The following BSDC1 variants were observed in gnomAD, a reference collection of about 807,000 sequenced individuals.
The protein encoded by BSDC1 is BSD domain containing 1.
A neutral mutation model predicts 56.0 loss-of-function variants in BSDC1; 29 were observed. The ratio of observed to expected loss-of-function variants is 0.52; its 90% CI spans 0.39 to 0.71. The LOEUF is 0.71. Among genes scored for constraint, BSDC1 ranks in the 30% least tolerant of loss-of-function variants. The pLI is 0.00. For synonymous variants in BSDC1, 210 were observed against 215.3 expected (o/e 0.98, Z 0.21); for missense variants, 477 against 548.5 (o/e 0.87, Z 1.30).
At chr1:32,388,090 C>G (rs1642733923) in intron 2 of BSDC1, among the ~76,000 whole-genome samples, 1 of 152,206 alleles carries the variant, frequency 6.6e-6, no homozygotes, top group African/African-American at 2.4e-5. Context: ...CTCACCAACT[C>G]TAGGATGCTT....
Position 32,376,256 on chromosome 1 carries a change from A to G in BSDC1, c.1156+6T>C. On this transcript the variant is annotated splice_donor_region_variant and intron_variant, in intron 9 of 10. Transcript: ENST00000455895. ...CAACCCTCTGGGCTTGGACCTCCAG[A>G]CCTACCTTTCTTTCCATTGTTGGAG... 6.7e-7 allele frequency: 1 copy of G among 1,489,468 alleles called. No homozygotes were observed. The highest frequency in any genetic ancestry group is 9.0e-7 in the Non-Finnish European group (1 of 1,110,166). 92.3% of individuals were successfully genotyped at this position (1,489,468 alleles called of 1,614,324 possible).
At chr1:32,390,318 G>T (rs912200244) in intron 2 of BSDC1, among the ~76,000 whole-genome samples, 2 of 152,220 alleles carry the variant, frequency 1.3e-5, no homozygotes, top group Non-Finnish European at 2.9e-5. Flanking sequence ...ATAGAAAAAT[G>T]TGAGTAAGGA....
At chr1:32,376,154 GA>G (rs1001875219) in intron 9 of BSDC1, 107 bp downstream of exon 9, 7 of 1,271,272 alleles carry the variant, frequency 5.5e-6, no homozygotes, top group South Asian at 2.8e-5. Context: ...TATCAGAAAC[GA>G]AAAAAAATCT....
intron 8 of BSDC1, 130 bp from the exon 9 acceptor site, chr1:32,376,871 C>T: frequency 9.2e-7 from 1 of 1,081,682 alleles, no homozygotes; most frequent in Non-Finnish European, 1.2e-6. Flanking sequence ...TGGCTCACAC[C>T]TGTAATCCCA....
At chr1:32,388,607 A>G (rs1302162343) in intron 2 of BSDC1, among the ~76,000 whole-genome samples, 2 of 152,166 alleles carry the variant, frequency 1.3e-5, no homozygotes, top group Non-Finnish European at 2.9e-5. Flanking sequence ...CTATCCTAAG[A>G]GCAAATTGAA....
chr1:32,391,674 G>A (rs1199630632), intron 2 of BSDC1, among the ~76,000 whole-genome samples: 2 of 152,200 alleles, frequency 1.3e-5, no homozygotes, highest in Admixed American at 1.3e-4. Context: ...AGGAGGTAAG[G>A]AGCAGAGGAA....
At chr1:32,380,363 G>A (rs1299615017) in intron 5 of BSDC1, among the ~76,000 whole-genome samples, 3 of 152,114 alleles carry the variant, frequency 2.0e-5, no homozygotes, top group Admixed American at 6.5e-5. Flanking sequence ...CCCCAACTCC[G>A]TCCAGGCACG....
intron 9 of BSDC1, among the ~76,000 whole-genome samples, chr1:32,375,010 G>A (rs926991467): frequency 1.3e-5 from 2 of 152,060 alleles, no homozygotes; most frequent in African/African-American, 4.8e-5. Flanking sequence ...AAATTAGCCG[G>A]GCATGATAGC....
chr1:32,385,943 G>GT (rs1642648666), intron 3 of BSDC1, among the ~76,000 whole-genome samples: 1 of 151,882 alleles, frequency 6.6e-6, no homozygotes, highest in South Asian at 2.1e-4. Flanking sequence ...AAAAACTGAA[G>GT]TAAGAAAGCA....
chr1:32,370,600 G>A (rs989719625), intron 9 of BSDC1, among the ~76,000 whole-genome samples: 3 of 151,648 alleles, frequency 2.0e-5, no homozygotes, highest in Admixed American at 2.0e-4. Context: ...TCAGAAGATC[G>A]AGACCACCCT....
intron 9 of BSDC1, among the ~76,000 whole-genome samples, chr1:32,369,580 C>T (rs923797978): frequency 1.3e-5 from 2 of 152,216 alleles, no homozygotes; most frequent in Non-Finnish European, 2.9e-5. Flanking sequence ...TCTGCCCACA[C>T]TAATCTTGTT....
chr1:32,377,644 C>T (rs1316277011), intron 8 of BSDC1, among the ~76,000 whole-genome samples: 2 of 152,186 alleles, frequency 1.3e-5, no homozygotes, highest in Non-Finnish European at 2.9e-5. Context: ...ACATGTCTGG[C>T]CGCATCTTTA....
chr1:32,368,388 G>C (rs1641931623), intron 10 of BSDC1, 59 bp downstream of exon 10: 1 of 1,614,152 alleles, frequency 6.2e-7, no homozygotes, highest in East Asian at 2.2e-5. Context: ...TGGCTGGGGA[G>C]AGCTCTCACA....
At chr1:32,391,958 C>A (rs1642880253) in intron 2 of BSDC1, among the ~76,000 whole-genome samples, 1 of 152,178 alleles carries the variant, frequency 6.6e-6, no homozygotes, top group Non-Finnish European at 1.5e-5. Flanking sequence ...AACATTTAAC[C>A]ATCACCACAA....
intron 9 of BSDC1, among the ~76,000 whole-genome samples, chr1:32,373,012 G>A (rs1019398747): frequency 2.0e-5 from 3 of 152,194 alleles, no homozygotes; most frequent in African/African-American, 7.2e-5. Flanking sequence ...CGATGACAGG[G>A]ATCACCCTGG....
intron 9 of BSDC1, among the ~76,000 whole-genome samples, chr1:32,371,894 A>AG (rs1478254468): frequency 2.0e-5 from 3 of 152,136 alleles, no homozygotes; most frequent in African/African-American, 4.8e-5. Flanking sequence ...GTCTATTTAT[A>AG]AAATATGGAT....
rs28717681 is a variant in BSDC1 at position 32,378,931 on chromosome 1, T to C, written c.413-92A>G. The C allele has an allele frequency of 1.1e-6, 1 of 913,558 alleles. No homozygotes were observed. Among genetic ancestry groups the C allele is most frequent in the African/African-American group, 1.7e-5 (1 of 57,156 alleles). The allele number at this position is 913,558 out of a possible 1,614,324, so 56.6% of individuals were successfully genotyped here. ...CATATCTAAGGCTGGACATGGAAAA[T>C]GAAGAAAGCTTGTGTATTCAAAGCC... On this transcript the variant is annotated intron_variant, in intron 5 of 10. Coordinates refer to ENST00000455895, the MANE Select transcript of BSDC1 (RefSeq NM_018045.8). The surrounding 1 kb of genome is among the most constrained non-coding windows in gnomAD (Gnocchi z 5.2).
intron 9 of BSDC1, among the ~76,000 whole-genome samples, chr1:32,375,445 T>A (rs1260191951): frequency 6.6e-6 from 1 of 151,328 alleles, no homozygotes; most frequent in African/African-American, 2.4e-5. Flanking sequence ...GAGGGGGGGT[T>A]CTTAGTGATA....
At chr1:32,388,795 ACT>A (rs1642757693) in intron 2 of BSDC1, among the ~76,000 whole-genome samples, 1 of 151,882 alleles carries the variant, frequency 6.6e-6, no homozygotes, top group African/African-American at 2.4e-5. Context: ...CAGAGTTCTA[ACT>A]CTTCAAAAAA....
Sources: gnomAD v4.1 joint callset for allele counts (sites outside exome capture counted in the v4.1 genomes callset) on GRCh38, gnomAD v4.1.1 for gene constraint, Gnocchi (gnomAD v3.1) non-coding constraint, MANE v1.5 for transcripts, NCBI Gene and HGNC (gene_info 2026-07-23, HGNC 2026-07-21) for gene names.